Variants in LHFPL3 observed in about 807,000 individuals in gnomAD.
LHFPL3 encodes the protein LHFPL tetraspan subfamily member 3.
LHFPL3 carries 5 observed loss-of-function variants against 19.3 expected under a neutral mutation model. The observed-to-expected ratio is 0.26, with a 90% CI of 0.14 to 0.54. The LOEUF (loss-of-function observed/expected upper bound fraction) is 0.54, where lower values mean the gene tolerates loss of function less well. Ranked by LOEUF, LHFPL3 falls within the 20% of genes least tolerant of loss-of-function variation. The pLI is 0.94. For synonymous variants in LHFPL3, 133 were observed against 126.2 expected, an observed-to-expected ratio of 1.05 and a Z score of -0.36; for missense variants, 249 against 307.4, an observed-to-expected ratio of 0.81 and a Z score of 1.42.
intron 1 of LHFPL3, among the ~76,000 whole-genome samples, chr7:104,716,514 G>A (rs1793389422): frequency 6.6e-6 from 1 of 152,120 alleles, no homozygotes; most frequent in Admixed American, 6.6e-5. Context: ...ATTCTGTTGA[G>A]TTTCTATACA....
chr7:104,492,071 T>C (rs1793365001), intron 1 of LHFPL3, among the ~76,000 whole-genome samples: 1 of 152,256 alleles, frequency 6.6e-6, no homozygotes, highest in African/African-American at 2.4e-5. Flanking sequence ...AATGTTTCTT[T>C]CCTTTAGTAT....
rs547653103 is a variant in LHFPL3 at position 104,878,924 on chromosome 7, A to C, written c.683-27263A>C. 4.6e-5 allele frequency among the ~76,000 whole-genome samples: 7 copies of C among 152,336 alleles called. No individual in the cohort carries two copies. In the East Asian group the frequency reaches 7.7e-4, roughly 17 times the overall value. The stretch of plus-strand genomic sequence containing the variant: ...AGACAACTAAAACTTTTTCTGATAT[A>C]GAAAAGCTTCTAGTTGTCTAGATAG... On this transcript the variant is annotated intron_variant, in intron 2 of 2. Transcript: ENST00000424859.
At chr7:104,805,534 C>G (rs1303187209) in intron 2 of LHFPL3, among the ~76,000 whole-genome samples, 13 of 152,206 alleles carry the variant, frequency 8.5e-5, no homozygotes, top group Admixed American at 8.5e-4. Flanking sequence ...AGCCTTCTTT[C>G]TGTCTTCAGT....
intron 1 of LHFPL3, among the ~76,000 whole-genome samples, chr7:104,471,095 A>T (rs1792899089): frequency 6.6e-6 from 1 of 151,982 alleles, no homozygotes. Context: ...AATTCTCGTG[A>T]TTTTTTCATT....
At chr7:104,635,168 TG>T (rs560956497) in intron 1 of LHFPL3, among the ~76,000 whole-genome samples, 1 of 151,668 alleles carries the variant, frequency 6.6e-6, no homozygotes, top group Non-Finnish European at 1.5e-5. Context: ...ATAGACAATA[TG>T]GGGGGGAAAG....
chr7:104,729,016 C>G (rs538927140), intron 1 of LHFPL3, among the ~76,000 whole-genome samples: 273 of 152,192 alleles, frequency 1.8e-3, no homozygotes, highest in African/African-American at 6.2e-3. Flanking sequence ...TTCAAAGTAA[C>G]CTCTTCCTAT....
At chr7:104,387,573 G>C (rs189488849) in intron 1 of LHFPL3, among the ~76,000 whole-genome samples, 37 of 152,188 alleles carry the variant, frequency 2.4e-4, no homozygotes, top group Non-Finnish European at 4.3e-4. Context: ...ACATCATCAA[G>C]CATACCAATA....
intron 2 of LHFPL3, among the ~76,000 whole-genome samples, chr7:104,792,715 ATGC>A (rs1790048768): frequency 6.6e-6 from 1 of 152,208 alleles, no homozygotes; most frequent in African/African-American, 2.4e-5. Context: ...ATCCACAAAT[ATGC>A]TGAGTTTGGA....
chr7:104,430,385 T>TATATATATATATATATATAC (rs1791943155), intron 1 of LHFPL3, among the ~76,000 whole-genome samples: 2 of 43,340 alleles, frequency 4.6e-5, no homozygotes, highest in Non-Finnish European at 7.4e-5. Context: ...TATATATACA[T>TATATATATATATATATATAC]ATATATATAT....
At chr7:104,678,406 T>A (rs1055959737) in intron 1 of LHFPL3, among the ~76,000 whole-genome samples, 1 of 152,160 alleles carries the variant, frequency 6.6e-6, no homozygotes, top group African/African-American at 2.4e-5. Context: ...GCATTACATA[T>A]TTCAAAAACA....
At chr7:104,792,681 C>T (rs1322127180) in intron 2 of LHFPL3, among the ~76,000 whole-genome samples, 1 of 152,130 alleles carries the variant, frequency 6.6e-6, no homozygotes, top group African/African-American at 2.4e-5. Context: ...TATTCGGTAA[C>T]TTATAGAGCA....
chr7:104,623,020 C>A, intron 1 of LHFPL3: 1 of 378,240 alleles, frequency 2.6e-6, no homozygotes, highest in Non-Finnish European at 5.5e-6. Context: ...ATTTGCATTT[C>A]CCTGATGGCT....
chr7:104,845,400 G>A, intron 2 of LHFPL3: 1 of 1,535,404 alleles, frequency 6.5e-7, no homozygotes, highest in South Asian at 1.2e-5. Flanking sequence ...AATGCTTAAG[G>A]CAAACTAAGG....
At position 104,902,839 on chromosome 7, in the gene LHFPL3, C is replaced by T. The variant is rs138103094; in HGVS notation, c.683-3348C>T. 1.3e-3 allele frequency among the ~76,000 whole-genome samples: 193 copies of T among 152,160 alleles called. 1 individual carries two copies. The highest frequency in any genetic ancestry group is 4.2e-3 in the South Asian group (20 of 4,812). On this transcript the variant is annotated intron_variant, in intron 2 of 2. Coordinates refer to ENST00000424859, the MANE Select transcript of LHFPL3 (RefSeq NM_199000.3). Reference sequence around the variant, plus strand: ...CGAGGGATCTAATGAGGGATTTGGCCATATGAAGGCCACGGGTGACCCAAG... The same window carrying T: ...CGAGGGATCTAATGAGGGATTTGGCTATATGAAGGCCACGGGTGACCCAAG...
At chr7:104,819,259 G>A (rs144120750) in intron 2 of LHFPL3, among the ~76,000 whole-genome samples, 119 of 151,528 alleles carry the variant, frequency 7.9e-4, no homozygotes, top group African/African-American at 2.3e-3. Flanking sequence ...TACAATCATC[G>A]CAATTAACAT....
At chr7:104,586,265 G>A (rs1389548899) in intron 1 of LHFPL3, among the ~76,000 whole-genome samples, 1 of 152,056 alleles carries the variant, frequency 6.6e-6, no homozygotes, top group African/African-American at 2.4e-5. Flanking sequence ...GGATGGTTGT[G>A]AAAGCAAGAT....
rs1424614041 is a variant in LHFPL3 at position 104,328,911 on chromosome 7, C to T, written c.132C>T (p.Thr44=). The part of the protein sequence containing the change: ...RAIGVLWAIF[T]ICFAIVNVVC... ...TCGGCGTGCTGTGGGCCATCTTCACCATCTGCTTTGCCATCGTCAACGTGG... is the reference window on the plus strand; with the variant it reads ...TCGGCGTGCTGTGGGCCATCTTCACTATCTGCTTTGCCATCGTCAACGTGG... The change falls in exon 1 of 3, where the codon ACC becomes ACT. Residue 44 remains threonine, a synonymous_variant. Transcript: ENST00000424859. This position sits in a 1 kb window ranked among gnomAD's most constrained non-coding sequence, Gnocchi z 4.6. The T allele has an allele frequency of 6.2e-7, 1 of 1,614,232 alleles. No individual in the cohort carries two copies. Among genetic ancestry groups the T allele is most frequent in the Non-Finnish European group, 8.5e-7 (1 of 1,180,038 alleles).
chr7:104,618,216 T>C (rs1049173295), intron 1 of LHFPL3, among the ~76,000 whole-genome samples: 3 of 152,136 alleles, frequency 2.0e-5, no homozygotes, highest in African/African-American at 7.2e-5. Flanking sequence ...TTTATGATCA[T>C]GGAAAAAAAT....
intron 1 of LHFPL3, among the ~76,000 whole-genome samples, chr7:104,404,786 G>C (rs1791383773): frequency 6.6e-6 from 1 of 152,154 alleles, no homozygotes; most frequent in African/African-American, 2.4e-5. Flanking sequence ...TATGAACTTA[G>C]CTAAATATTT....
Sources: gnomAD v4.1 joint callset for allele counts (sites outside exome capture counted in the v4.1 genomes callset) on GRCh38, gnomAD v4.1.1 for gene constraint, Gnocchi (gnomAD v3.1) non-coding constraint, MANE v1.5 for transcripts, NCBI Gene and HGNC (gene_info 2026-07-23, HGNC 2026-07-21) for gene names.